The following LMNTD1 variants were observed in gnomAD, a reference collection of about 807,000 sequenced individuals.
LMNTD1 encodes lamin tail domain containing 1.
LMNTD1 carries 35 observed loss-of-function variants against 50.9 expected under a neutral mutation model. That is an observed-to-expected ratio of 0.69 (90% CI 0.53 to 0.91). LMNTD1 has a LOEUF of 0.91. LMNTD1 is among the 40% of genes least tolerant of loss of function. The pLI is 0.00. For synonymous variants in LMNTD1, 153 were observed against 161.9 expected (o/e 0.94, Z 0.42); for missense variants, 470 against 475.5 (o/e 0.99, Z 0.11).
intron 8 of LMNTD1, among the ~76,000 whole-genome samples, chr12:25,514,869 T>C (rs1940638058): frequency 1.3e-5 from 2 of 152,176 alleles, no homozygotes; most frequent in Admixed American, 1.3e-4. Context: ...TACTAGTTAA[T>C]GTCCATCAGA....
chr12:25,633,032 G>GAA lies in LMNTD1; in HGVS notation c.58+15460_58+15461dup, dbSNP rs144752389. ...AGCAGGAGTAGCAATTCTTATATCA[G>GAA]AAAAAAAAAAACAAACTTTAAAGCA... On this transcript the variant is annotated intron_variant, in intron 1 of 7. Coordinates refer to the LMNTD1 transcript ENST00000445693. Among the ~76,000 whole-genome samples, 264 of 103,708 alleles carry GAA rather than the reference G, an allele frequency of 2.5e-3. 1 individual carries two copies. The highest frequency in any genetic ancestry group is 4.3e-3 in the Admixed American group (42 of 9,840). 68.0% of individuals were successfully genotyped at this position (103,708 alleles called of 152,430 possible). A position where few individuals can be genotyped will look rare whatever the true frequency, so the allele number is the denominator to read the frequency against.
intron 1 of LMNTD1, among the ~76,000 whole-genome samples, chr12:25,559,129 T>C (rs2136292517): frequency 1.3e-5 from 2 of 152,174 alleles, no homozygotes; most frequent in Admixed American, 1.3e-4. Flanking sequence ...ACATGCCATG[T>C]CGGTATGCTG....
At chr12:25,549,240 C>T in intron 3 of LMNTD1, 86 bp downstream of exon 3, 2 of 684,460 alleles carry the variant, frequency 2.9e-6, no homozygotes, top group Admixed American at 3.2e-5. Flanking sequence ...AATAAAACAT[C>T]ATTCTGACTG....
intron 5 of LMNTD1, 59 bp from the exon 6 acceptor site, chr12:25,526,277 C>G: frequency 6.6e-7 from 1 of 1,509,260 alleles, no homozygotes; most frequent in Non-Finnish European, 9.0e-7. Flanking sequence ...TTGTAAATGT[C>G]ATAGGGTTAC....
rs543695375 is a variant in LMNTD1, at chr12:25,506,417, AC to A, written c.1190-2618del. Among the ~76,000 whole-genome samples the A allele has an allele frequency of 2.6e-5, 4 of 152,302 alleles. No individual in the cohort carries two copies. In the South Asian group the frequency reaches 8.3e-4, roughly 32 times the overall value. Reference sequence around the variant, plus strand: ...ACAGGCAAAGCGCATTCAACCATGAACAAATAAAGTACATTAAACTGAATAT... The same window carrying A: ...ACAGGCAAAGCGCATTCAACCATGAAAAATAAAGTACATTAAACTGAATAT... On this transcript the variant is annotated intron_variant, in intron 8 of 9. Transcript: ENST00000458174.
chr12:25,548,301 C>A (rs909883535), intron 3 of LMNTD1, among the ~76,000 whole-genome samples: 4 of 135,870 alleles, frequency 2.9e-5, no homozygotes, highest in African/African-American at 1.1e-4. Context: ...AGATGAGGGG[C>A]AGCCAGGCTG....
chr12:25,610,319 T>C (rs1447754158), intron 1 of LMNTD1, among the ~76,000 whole-genome samples: 2 of 152,118 alleles, frequency 1.3e-5, no homozygotes, highest in Non-Finnish European at 2.9e-5. Context: ...CCCGTCCTGC[T>C]TCAGCTTGCC....
At chr12:25,620,902 T>C (rs116332706) in intron 1 of LMNTD1, among the ~76,000 whole-genome samples, 2,769 of 152,270 alleles carry the variant, frequency 0.018, 81 homozygotes, top group African/African-American at 0.063. Flanking sequence ...CACTATGCAA[T>C]AGGTGTGTTA....
intron 9 of LMNTD1, among the ~76,000 whole-genome samples, chr12:25,476,698 A>G (rs1938275543): frequency 6.6e-6 from 1 of 152,126 alleles, no homozygotes; most frequent in African/African-American, 2.4e-5. Flanking sequence ...AGACTAAAGG[A>G]TTTCTATGAT....
At chr12:25,548,808 G>C (rs1303161469) in intron 3 of LMNTD1, among the ~76,000 whole-genome samples, 1 of 151,880 alleles carries the variant, frequency 6.6e-6, no homozygotes, top group Non-Finnish European at 1.5e-5. Flanking sequence ...TCATAGTACT[G>C]TTTTCATTTT....
intron 1 of LMNTD1, among the ~76,000 whole-genome samples, chr12:25,596,364 A>G (rs1313528265): frequency 6.6e-6 from 1 of 152,152 alleles, no homozygotes; most frequent in Non-Finnish European, 1.5e-5. Context: ...CATATCAAAA[A>G]GATAATCCAC....
chr12:25,511,708 G>C (rs1047543720), intron 8 of LMNTD1, among the ~76,000 whole-genome samples: 1 of 152,110 alleles, frequency 6.6e-6, no homozygotes, highest in Admixed American at 6.6e-5. Flanking sequence ...TGCCTCGTCA[G>C]TATTTTCATA....
At chr12:25,553,412 A>G (rs1452440756), upstream of LMNTD1, 1 of 348,742 alleles carries the variant, frequency 2.9e-6, no homozygotes, top group Non-Finnish European at 4.7e-6. Flanking sequence ...GACATTAAAT[A>G]AAGTAATTTG....
chr12:25,504,558 T>C (rs1275347414), intron 8 of LMNTD1, among the ~76,000 whole-genome samples: 1 of 152,134 alleles, frequency 6.6e-6, no homozygotes, highest in Non-Finnish European at 1.5e-5. Flanking sequence ...GTGTAGACGA[T>C]AATGAGCTCC....
At chr12:25,633,043 AC>A (rs34315607) in intron 1 of LMNTD1, among the ~76,000 whole-genome samples, 69,597 of 148,610 alleles carry the variant, frequency 0.47, 18,377 homozygotes, top group Non-Finnish European at 0.62. Context: ...AAAAAAAAAA[AC>A]AAACTTTAAA....
In LMNTD1 at chr12:25,526,779, G is replaced by A; in HGVS notation, c.668C>T (p.Ser223Phe). 6.2e-7 allele frequency: 1 copy of A among 1,605,804 alleles called. No individual in the cohort carries two copies. Among genetic ancestry groups the A allele is most frequent in the South Asian group, 1.1e-5 (1 of 89,494 alleles). The part of the protein sequence containing the change: ...FLPNIVMQAN[S>F]TVTVWAAASE... ...TACTCTTATACTCACTGTTACTGTG[G>A]AATTTGCCTGCATTACGATGTTTGG... The change falls in exon 5 of 10, where the codon TCC becomes TTC. Residue 223 changes from serine (S) to phenylalanine (F), a missense_variant. Ser to Phe is a radical substitution (Grantham distance 155). Transcript: ENST00000458174.
At chr12:25,571,908 T>C (rs1165879780) in intron 1 of LMNTD1, among the ~76,000 whole-genome samples, 1 of 152,126 alleles carries the variant, frequency 6.6e-6, no homozygotes, top group Non-Finnish European at 1.5e-5. Flanking sequence ...TGGCCTCAAG[T>C]TGATCCACCT....
At chr12:25,599,316 T>A (rs1945912448) in intron 1 of LMNTD1, among the ~76,000 whole-genome samples, 1 of 151,806 alleles carries the variant, frequency 6.6e-6, no homozygotes, top group African/African-American at 2.4e-5. Context: ...CTAAACGTAA[T>A]AAAAGCCAAA....
chr12:25,476,810 A>C (rs746307459), intron 9 of LMNTD1, among the ~76,000 whole-genome samples: 1 of 152,212 alleles, frequency 6.6e-6, no homozygotes, highest in Non-Finnish European at 1.5e-5. Flanking sequence ...CTCCTGACTG[A>C]AAGCAGCCCT....
Sources: gnomAD v4.1 joint callset for allele counts (sites outside exome capture counted in the v4.1 genomes callset) on GRCh38, gnomAD v4.1.1 for gene constraint, MANE v1.5 for transcripts, NCBI Gene and HGNC (gene_info 2026-07-23, HGNC 2026-07-21) for gene names.